SEMA4B: variants seen among roughly 807,000 people sequenced by gnomAD.
The protein encoded by SEMA4B is semaphorin 4B, also known as semaphorin-4B.
In SEMA4B, 55 loss-of-function variants were observed where a neutral mutation model predicts 88.1. The ratio of observed to expected loss-of-function variants is 0.62; its 90% CI spans 0.50 to 0.78. SEMA4B has a LOEUF of 0.78. SEMA4B is among the 30% of genes least tolerant of loss of function. The pLI is 0.00. For missense variants in SEMA4B, 1,062 were observed against 1,111.9 expected (o/e 0.96, Z 0.64); for synonymous variants, 525 against 473.6 (o/e 1.11, Z -1.41).
intron 1 of SEMA4B, among the ~76,000 whole-genome samples, chr15:90,188,353 C>T (rs760857606): frequency 4.0e-5 from 6 of 151,896 alleles, no homozygotes; most frequent in East Asian, 2.0e-4. Context: ...AGTAGCCAGG[C>T]GAGGTGGCTT....
Position 90,228,218 on chromosome 15 carries a change from CGT to C in SEMA4B, c.2093_2094del (p.Val698GlufsTer70). ...GSVPVIISTS[R>X]VSAPAGGKAS... ...TGTACCCGTCATTATCAGCACATCG[CGT>C]GTGAGTGCACCAGCTGGTGGCAAGG... On this transcript the variant is annotated frameshift_variant, in exon 14 of 14. Transcript: ENST00000411539. LOFTEE classifies it high-confidence loss of function. 6.2e-7 allele frequency: 1 copy of C among 1,607,140 alleles called. No homozygotes were observed. Among genetic ancestry groups the C allele is most frequent in the South Asian group, 1.1e-5 (1 of 89,758 alleles).
In SEMA4B at chr15:90,216,467, A is replaced by AT. The variant is rs546698650; in HGVS notation, c.158-970dup. ...ACCTGTATTTATTATTCCATTAGCC[A>AT]TTGGCAGCAGCTTGTGACAACCCTG... On this transcript the variant is annotated intron_variant, in intron 1 of 13. Transcript: ENST00000411539. Among the ~76,000 whole-genome samples the AT allele has an allele frequency of 8.8e-4, 134 of 152,306 alleles. 1 individual carries two copies. Among genetic ancestry groups the AT allele is most frequent in the South Asian group, 4.8e-3 (23 of 4,828 alleles).
chr15:90,220,960 C>T (rs1484138376), intron 4 of SEMA4B, 22 bp from the exon 5 acceptor site: 3 of 1,519,820 alleles, frequency 2.0e-6, no homozygotes, highest in Non-Finnish European at 2.7e-6. Context: ...GCCCCTGAGC[C>T]CATGTGTCCA....
rs549396835 is a variant in SEMA4B, at chr15:90,212,833, C to T, written c.158-4606C>T. Reference sequence around the variant, plus strand: ...CAAGTCTCTGTTTCTGAGCTGATGCCGTCTGGCTTTGGCCATGAGACCCTC... The same window carrying T: ...CAAGTCTCTGTTTCTGAGCTGATGCTGTCTGGCTTTGGCCATGAGACCCTC... On this transcript the variant is annotated intron_variant, in intron 1 of 13. Transcript: ENST00000411539. This position sits in a 1 kb window ranked among gnomAD's most constrained non-coding sequence, Gnocchi z 4.0. Among the ~76,000 whole-genome samples the T allele has an allele frequency of 2.6e-5, 4 of 152,318 alleles. No individual in the cohort carries two copies. The highest frequency in any genetic ancestry group is 1.9e-4 in the East Asian group (1 of 5,176).
intron 1 of SEMA4B, chr15:90,207,087 G>A (rs1294299510): frequency 1.3e-5 from 4 of 304,584 alleles, no homozygotes; most frequent in Admixed American, 4.5e-5. Context: ...CTAAGGGGTG[G>A]CTCCTGCCCT....
chr15:90,223,798 C>T lies in SEMA4B; in HGVS notation c.1044-40C>T, dbSNP rs188271359. 32 of 1,608,216 alleles carry T rather than the reference C, an allele frequency of 2.0e-5. No individual in the cohort carries two copies. The African/African-American group carries it at 3.7e-4, about 19-fold the overall frequency. Reference sequence around the variant, plus strand: ...GGTGAAGGGTGGCTGGGACTGGGGCCCCCAGGGCTCCTGGGTTAATCTGGT... The same window carrying T: ...GGTGAAGGGTGGCTGGGACTGGGGCTCCCAGGGCTCCTGGGTTAATCTGGT... On this transcript the variant is annotated intron_variant, in intron 8 of 13. Transcript: ENST00000411539.
chr15:90,228,401 C>T lies in SEMA4B; in HGVS notation c.2272C>T (p.Pro758Ser), dbSNP rs1290143446. ...GCAGGGGGAATGTGCCAGCGTGCAC[C>T]CCAAGACCTGCCCTGTGGTGCTGCC... ...LKQGECASVH[P>S]KTCPVVLPPE... The change falls in exon 14 of 14, where the codon CCC (proline) becomes TCC (serine). Residue 758 changes from proline (P) to serine (S), a missense_variant. Transcript: ENST00000411539. The T allele has an allele frequency of 1.2e-6, 2 of 1,602,658 alleles. No individual in the cohort carries two copies. Among genetic ancestry groups the T allele is most frequent in the African/African-American group, 1.3e-5 (1 of 74,758 alleles).
rs529488977 is a variant in SEMA4B, at chr15:90,212,396, G to T, written c.158-5043G>T. On this transcript the variant is annotated intron_variant, in intron 1 of 13. Coordinates refer to ENST00000411539, the MANE Select transcript of SEMA4B (RefSeq NM_198925.4). This position sits in a 1 kb window ranked among gnomAD's most constrained non-coding sequence, Gnocchi z 4.0. Reference sequence around the variant, plus strand: ...TGGGAAAACCGGCCGCAGCCTCGGCGTGCCCTGCTTTCTTCATACTGGACT... The same window carrying T: ...TGGGAAAACCGGCCGCAGCCTCGGCTTGCCCTGCTTTCTTCATACTGGACT... 2.6e-5 allele frequency among the ~76,000 whole-genome samples: 4 copies of T among 152,150 alleles called. No individual in the cohort carries two copies. The highest frequency in any genetic ancestry group is 5.9e-5 in the Non-Finnish European group (4 of 68,012).
chr15:90,192,188 G>A (rs932859242), intron 1 of SEMA4B, among the ~76,000 whole-genome samples: 5 of 152,348 alleles, frequency 3.3e-5, no homozygotes, highest in African/African-American at 9.6e-5. Context: ...CCCAGGAGGG[G>A]GCGGGTGGGA....
intron 1 of SEMA4B, among the ~76,000 whole-genome samples, chr15:90,192,370 C>T (rs34226352): frequency 0.18 from 27,902 of 152,110 alleles, 3,091 homozygotes; most frequent in African/African-American, 0.31. Flanking sequence ...CCATCCATGC[C>T]CAAGGACATG....
Position 90,227,914 on chromosome 15 carries a change from A to G in SEMA4B, c.1785A>G (p.Pro595=). Residue 595 remains proline, a synonymous_variant, in exon 14 of 14, where the codon CCA becomes CCG. Coordinates refer to ENST00000411539, the MANE Select transcript of SEMA4B (RefSeq NM_198925.4). ...CTTTTCTGCCTACAGGGGAGAAGCC[A>G]TGTGAGCAAGTCCAGTTCCAGCCCA... ...SPSFVPTGEK[P]CEQVQFQPNT... 6.2e-7 allele frequency: 1 copy of G among 1,612,224 alleles called. No individual in the cohort carries two copies. Among genetic ancestry groups the G allele is most frequent in the Non-Finnish European group, 8.5e-7 (1 of 1,179,836 alleles).
chr15:90,219,260 G>A (rs1432668613), intron 3 of SEMA4B: 2 of 152,164 alleles, frequency 1.3e-5, no homozygotes, highest in Non-Finnish European at 1.5e-5. Flanking sequence ...TGGGTTTGGG[G>A]CCTCAGCGAC....
At chr15:90,207,948 G>A (rs1961072534) in intron 1 of SEMA4B, among the ~76,000 whole-genome samples, 1 of 152,172 alleles carries the variant, frequency 6.6e-6, no homozygotes, top group Non-Finnish European at 1.5e-5. Context: ...TGACTTCCAA[G>A]TTCTTTAGAA....
Position 90,225,311 on chromosome 15 carries a change from G to A in SEMA4B, c.1435G>A (p.Val479Met), listed in dbSNP as rs376141469. The A allele has an allele frequency of 1.0e-4, 159 of 1,559,080 alleles. 1 individual carries two copies. Among genetic ancestry groups the A allele is most frequent in the African/African-American group, 5.0e-4 (37 of 73,606 alleles). The change falls in exon 11 of 14, where the codon GTG becomes ATG. Residue 479 changes from valine to methionine, a missense_variant. Val to Met is a conservative substitution (Grantham distance 21). Transcript: ENST00000411539. The part of the protein sequence containing the change: ...GDGRLHKAVS[V>M]GPRVHIIEEL... ...CGGCCGGCTCCACAAGGCAGTGAGC[G>A]TGGGCCCCCGGGTGCACATCATTGA...
intron 1 of SEMA4B, among the ~76,000 whole-genome samples, chr15:90,202,523 T>C (rs1183841514): frequency 6.6e-6 from 1 of 152,162 alleles, no homozygotes; most frequent in East Asian, 1.9e-4. Context: ...TTCCATCCGG[T>C]TGCTTCTCCA....
chr15:90,215,080 G>T, intron 1 of SEMA4B: 1 of 943,676 alleles, frequency 1.1e-6, no homozygotes, highest in Non-Finnish European at 1.4e-6. Context: ...GCTACAACGT[G>T]CCTGAGGGTG....
At chr15:90,198,716 G>A (rs1233210172), upstream of SEMA4B, among the ~76,000 whole-genome samples, 1 of 152,168 alleles carries the variant, frequency 6.6e-6, no homozygotes, top group African/African-American at 2.4e-5. Flanking sequence ...TGGTGTGGAT[G>A]AGTGAGGGGA....
At chr15:90,200,049 C>A (rs957398331), upstream of SEMA4B, among the ~76,000 whole-genome samples, 5 of 152,170 alleles carry the variant, frequency 3.3e-5, no homozygotes, top group African/African-American at 1.2e-4. Flanking sequence ...TGCTGCTAGC[C>A]TGCACCATGT....
chr15:90,194,334 C>G (rs372393921), intron 1 of SEMA4B, among the ~76,000 whole-genome samples: 143 of 151,874 alleles, frequency 9.4e-4, no homozygotes, highest in African/African-American at 3.3e-3. Context: ...AAGTTCGAGA[C>G]CAGCCGTGAC....
Sources: allele counts gnomAD v4.1 joint callset (sites outside exome capture counted in the v4.1 genomes callset), GRCh38; gene constraint gnomAD v4.1.1; non-coding constraint Gnocchi (gnomAD v3.1); transcripts MANE v1.5; gene names NCBI Gene and HGNC (gene_info 2026-07-23, HGNC 2026-07-21).